ATXN1: variants seen among roughly 807,000 people sequenced by gnomAD.
The protein encoded by ATXN1 is ataxin 1, also known as ataxin-1.
Under a neutral mutation model 56.4 loss-of-function variants are expected in ATXN1, and 8 were observed. The observed-to-expected ratio is 0.14, with a 90% CI of 0.08 to 0.26. The LOEUF is 0.26. Ranked by LOEUF, ATXN1 falls within the 10% of genes least tolerant of loss-of-function variation. ATXN1 has a pLI of 1.00. For missense variants in ATXN1, 987 were observed against 1,106.5 expected (o/e 0.89, Z 1.53); for synonymous variants, 514 against 494.6 (o/e 1.04, Z -0.52).
At chr6:16,650,007 G>A (rs893084234) in intron 3 of ATXN1, among the ~76,000 whole-genome samples, 1 of 151,712 alleles carries the variant, frequency 6.6e-6, no homozygotes, top group African/African-American at 2.4e-5. Context: ...GGAGTGGAAT[G>A]GTGCAGTCTA....
chr6:16,581,139 C>G (rs916112613), intron 4 of ATXN1, among the ~76,000 whole-genome samples: 5 of 143,322 alleles, frequency 3.5e-5, no homozygotes, highest in Non-Finnish European at 7.6e-5. Flanking sequence ...AGCTGAGGGG[C>G]GGGGTGGGTT....
intron 6 of ATXN1, among the ~76,000 whole-genome samples, chr6:16,380,105 G>C (rs1762221120): frequency 1.3e-5 from 2 of 152,322 alleles, no homozygotes; most frequent in African/African-American, 4.8e-5. Context: ...ATGCAATCCA[G>C]GTGTACATCA....
chr6:16,463,638 T>C (rs1010676314), intron 6 of ATXN1, among the ~76,000 whole-genome samples: 1 of 152,224 alleles, frequency 6.6e-6, no homozygotes, highest in Non-Finnish European at 1.5e-5. Flanking sequence ...TGCACCTTCT[T>C]AGGAGAAGAC....
At chr6:16,759,544 T>C (rs1348757869) in intron 1 of ATXN1, among the ~76,000 whole-genome samples, 1 of 147,870 alleles carries the variant, frequency 6.8e-6, no homozygotes, top group African/African-American at 2.5e-5. Context: ...TTTTTTTTTT[T>C]TTTTTTTTTT....
intron 1 of ATXN1, among the ~76,000 whole-genome samples, chr6:16,758,197 A>G (rs950074546): frequency 3.3e-5 from 5 of 152,326 alleles, no homozygotes; most frequent in Admixed American, 2.6e-4. Context: ...TATTTTCCGA[A>G]TAAGTTATTC....
chr6:16,740,777 A>C (rs1004943908), intron 2 of ATXN1, among the ~76,000 whole-genome samples: 8 of 152,066 alleles, frequency 5.3e-5, no homozygotes, highest in Admixed American at 5.2e-4. Flanking sequence ...AGGCGATCCC[A>C]CCGCCTTGGC....
chr6:16,704,571 T>A (rs1445926536), intron 2 of ATXN1, among the ~76,000 whole-genome samples: 2 of 152,222 alleles, frequency 1.3e-5, no homozygotes, highest in African/African-American at 4.8e-5. Context: ...TTGAAAATCT[T>A]ACCAACAAGA....
chr6:16,573,117 G>A (rs140819438), intron 4 of ATXN1, among the ~76,000 whole-genome samples: 40 of 152,264 alleles, frequency 2.6e-4, no homozygotes, highest in African/African-American at 9.1e-4. Flanking sequence ...GGCTGACCTG[G>A]CCATTCATTC....
At chr6:16,568,393 A>G (rs1469907122) in intron 4 of ATXN1, among the ~76,000 whole-genome samples, 1 of 152,252 alleles carries the variant, frequency 6.6e-6, no homozygotes, top group Middle Eastern at 3.2e-3. Context: ...TCTCCAGGTT[A>G]CATGCCCGGT....
chr6:16,452,022 T>A (rs963858774), intron 6 of ATXN1, among the ~76,000 whole-genome samples: 2 of 152,218 alleles, frequency 1.3e-5, no homozygotes, highest in African/African-American at 4.8e-5. Context: ...GGCGTCCGAA[T>A]GTCAGGCCGT....
At chr6:16,569,786 A>T (rs983213553) in intron 4 of ATXN1, among the ~76,000 whole-genome samples, 1 of 152,120 alleles carries the variant, frequency 6.6e-6, no homozygotes, top group African/African-American at 2.4e-5. Flanking sequence ...TGTCCACATG[A>T]CTAAATTCTG....
chr6:16,714,452 G>A (rs1006886586), intron 2 of ATXN1, among the ~76,000 whole-genome samples: 1 of 152,046 alleles, frequency 6.6e-6, no homozygotes, highest in Non-Finnish European at 1.5e-5. Flanking sequence ...TTTTGTGATT[G>A]TTTTCCTTTT....
At chr6:16,645,507 T>A (rs1432993841) in intron 3 of ATXN1, among the ~76,000 whole-genome samples, 2 of 152,160 alleles carry the variant, frequency 1.3e-5, no homozygotes, top group African/African-American at 2.4e-5. Flanking sequence ...TAGTGGAGAC[T>A]GGAAAACAGC....
At chr6:16,369,293 C>T (rs368963547) in intron 6 of ATXN1, among the ~76,000 whole-genome samples, 14 of 152,314 alleles carry the variant, frequency 9.2e-5, no homozygotes, top group East Asian at 3.9e-4. Flanking sequence ...CTACTAGTCT[C>T]CAACCCACAC....
intron 4 of ATXN1, among the ~76,000 whole-genome samples, chr6:16,572,290 G>T (rs1475205250): frequency 6.6e-6 from 1 of 152,132 alleles, no homozygotes; most frequent in African/African-American, 2.4e-5. Flanking sequence ...TACCAAAAAA[G>T]GTATAAGGAC....
intron 6 of ATXN1, among the ~76,000 whole-genome samples, chr6:16,382,022 T>C (rs1342461104): frequency 6.6e-6 from 1 of 152,230 alleles, no homozygotes; most frequent in Non-Finnish European, 1.5e-5. Context: ...AGTAATTGGC[T>C]ATTAGTAATT....
intron 7 of ATXN1, among the ~76,000 whole-genome samples, chr6:16,316,867 T>C (rs1760523557): frequency 2.2e-5 from 1 of 46,296 alleles, no homozygotes; most frequent in South Asian, 4.9e-4. Context: ...CTGCCTGTCT[T>C]TTTTTTTTTT....
intron 3 of ATXN1, among the ~76,000 whole-genome samples, chr6:16,602,639 A>G (rs900837265): frequency 2.6e-5 from 4 of 152,070 alleles, no homozygotes; most frequent in African/African-American, 4.8e-5. Flanking sequence ...TTTAGTACAG[A>G]TGGGGTTTCA....
At chr6:16,403,084 G>C (rs1444884845) in intron 6 of ATXN1, among the ~76,000 whole-genome samples, 1 of 152,118 alleles carries the variant, frequency 6.6e-6, no homozygotes, top group Non-Finnish European at 1.5e-5. Context: ...ATGTGCACGT[G>C]TATGTATGTA....
Sources: allele counts gnomAD v4.1 joint callset (sites outside exome capture counted in the v4.1 genomes callset), GRCh38; gene constraint gnomAD v4.1.1; transcripts MANE v1.5; gene names NCBI Gene and HGNC (gene_info 2026-07-23, HGNC 2026-07-21).